The following SRPK1 variants were observed in gnomAD, a reference collection of about 807,000 sequenced individuals.
SRPK1 encodes the protein SFRS protein kinase 1.
In SRPK1, 52 loss-of-function variants were observed where a neutral mutation model predicts 89.5. The ratio of observed to expected loss-of-function variants is 0.58; its 90% CI spans 0.46 to 0.73. The LOEUF is 0.73. SRPK1 is among the 30% of genes least tolerant of loss of function. The pLI is 0.00. For synonymous variants in SRPK1, 255 were observed against 270.2 expected (o/e 0.94, Z 0.55); for missense variants, 603 against 780.6 (o/e 0.77, Z 2.71).
At chr6:35,867,549 C>A (rs1189851741) in intron 12 of SRPK1, among the ~76,000 whole-genome samples, 1 of 152,154 alleles carries the variant, frequency 6.6e-6, no homozygotes. Context: ...GGTATGGTGG[C>A]TCATGCCTGT....
intron 8 of SRPK1, among the ~76,000 whole-genome samples, chr6:35,871,193 C>T (rs1030786012): frequency 7.9e-5 from 12 of 152,060 alleles, no homozygotes; most frequent in African/African-American, 2.9e-4. Context: ...ATTCTTCCTC[C>T]CCAGGTAAAC....
At chr6:35,915,288 T>C (rs903324952) in intron 2 of SRPK1, among the ~76,000 whole-genome samples, 24 of 151,254 alleles carry the variant, frequency 1.6e-4, no homozygotes, top group South Asian at 6.3e-4. Context: ...GCGCCTGTAG[T>C]CCCGGCTACT....
At chr6:35,871,524 A>AT (rs1770035399) in intron 8 of SRPK1, among the ~76,000 whole-genome samples, 1 of 152,216 alleles carries the variant, frequency 6.6e-6, no homozygotes, top group African/African-American at 2.4e-5. Context: ...ACACTGTTGT[A>AT]TAACAGGATC....
intron 13 of SRPK1, among the ~76,000 whole-genome samples, chr6:35,855,325 C>T (rs1769644243): frequency 6.6e-6 from 1 of 151,720 alleles, no homozygotes; most frequent in Non-Finnish European, 1.5e-5. Context: ...AAACAAAAAC[C>T]CAATAATATG....
intron 6 of SRPK1, among the ~76,000 whole-genome samples, chr6:35,876,859 G>A (rs1015682254): frequency 1.3e-5 from 2 of 152,166 alleles, no homozygotes; most frequent in Non-Finnish European, 2.9e-5. Context: ...ATTGCCTTGA[G>A]GCTTTCCAGG....
intron 14 of SRPK1, among the ~76,000 whole-genome samples, chr6:35,839,075 A>G (rs1041542440): frequency 1.3e-5 from 2 of 152,216 alleles, no homozygotes; most frequent in African/African-American, 4.8e-5. Context: ...GTAAGATAAA[A>G]AACTGTCCAA....
chr6:35,907,483 A>G (rs961223468), intron 2 of SRPK1, among the ~76,000 whole-genome samples: 6 of 152,160 alleles, frequency 3.9e-5, no homozygotes, highest in African/African-American at 1.4e-4. Flanking sequence ...AGGTGGGTGG[A>G]TCACCTGAGA....
rs368400109 is a variant in SRPK1 at position 35,889,123 on chromosome 6, AAGTG to A, written c.194-204_194-201del. On this transcript the variant is annotated intron_variant, in intron 3 of 15. Transcript: ENST00000373825. ...ATTACTGAATTCATGTTATTAAAAA[AAGTG>A]AGTAAGATTAATGATTTAGATTGAG... is the stretch of plus-strand genomic sequence containing the variant. 1.6e-4 allele frequency among the ~76,000 whole-genome samples: 25 copies of A among 152,344 alleles called. 1 individual carries two copies. The East Asian group carries it at 1.7e-3, about 11-fold the overall frequency.
At chr6:35,866,913 G>C (rs1769916787) in intron 12 of SRPK1, among the ~76,000 whole-genome samples, 1 of 152,174 alleles carries the variant, frequency 6.6e-6, no homozygotes, top group South Asian at 2.1e-4. Context: ...ACAACTCAAA[G>C]AAAGGTAAAT....
At chr6:35,845,278 A>G (rs1439688207) in intron 13 of SRPK1, among the ~76,000 whole-genome samples, 2 of 151,940 alleles carry the variant, frequency 1.3e-5, no homozygotes, top group African/African-American at 4.8e-5. Flanking sequence ...TGATGTGCCA[A>G]TGTAGGTTCA....
intron 6 of SRPK1, among the ~76,000 whole-genome samples, chr6:35,878,413 T>C (rs1293206530): frequency 6.6e-6 from 1 of 152,216 alleles, no homozygotes; most frequent in Non-Finnish European, 1.5e-5. Context: ...TTTCCCCACC[T>C]AGACAACCAA....
intron 6 of SRPK1, among the ~76,000 whole-genome samples, chr6:35,881,922 T>C (rs544947249): frequency 5.1e-4 from 77 of 152,096 alleles, no homozygotes; most frequent in African/African-American, 1.5e-3. Flanking sequence ...TTAACAGGTA[T>C]AGAGCTTCAG....
chr6:35,907,068 T>C (rs976725467), intron 2 of SRPK1, among the ~76,000 whole-genome samples: 2 of 152,134 alleles, frequency 1.3e-5, no homozygotes, highest in African/African-American at 4.8e-5. Context: ...CAAGGATCAA[T>C]AGCCACTAAC....
chr6:35,852,766 A>C (rs1189500782), intron 13 of SRPK1, among the ~76,000 whole-genome samples: 2 of 152,202 alleles, frequency 1.3e-5, no homozygotes, highest in African/African-American at 4.8e-5. Flanking sequence ...TTCTAGACAG[A>C]CAAGACAGTT....
chr6:35,886,895 T>A (rs1770420611), intron 5 of SRPK1, 84 bp from the exon 6 acceptor site: 9 of 741,734 alleles, frequency 1.2e-5, no homozygotes, highest in Middle Eastern at 2.3e-4. Flanking sequence ...TTACAGCAAA[T>A]TAACTACAAG....
intron 2 of SRPK1, among the ~76,000 whole-genome samples, chr6:35,911,462 C>T (rs1770957917): frequency 6.6e-6 from 1 of 152,088 alleles, no homozygotes; most frequent in Non-Finnish European, 1.5e-5. Flanking sequence ...CGCCTGTAAT[C>T]CCAGCACTTT....
At chr6:35,913,025 G>A (rs930770032) in intron 2 of SRPK1, among the ~76,000 whole-genome samples, 5 of 152,230 alleles carry the variant, frequency 3.3e-5, no homozygotes, top group African/African-American at 1.2e-4. Flanking sequence ...CAAGGCCTTG[G>A]CCTCCCAAAG....
In SRPK1 at chr6:35,838,456, G is replaced by C. The variant is rs1394782743; in HGVS notation, c.1691-27C>G. On this transcript the variant is annotated intron_variant, in intron 14 of 15. Transcript: ENST00000373825. ...TGTATATTTCAAACATTTCAAGAGG[G>C]GGGAAAAAAAAGATCCGTAACAAGA... The C allele has an allele frequency of 5.8e-6, 9 of 1,542,854 alleles. No homozygotes were observed. The Admixed American group carries it at 7.0e-5, about 12-fold the overall frequency.
chr6:35,870,429 T>C lies in SRPK1; in HGVS notation c.843A>G (p.Leu281=), dbSNP rs374243430. 6 of 1,565,362 alleles carry C rather than the reference T, an allele frequency of 3.8e-6. No individual in the cohort carries two copies. Among genetic ancestry groups the C allele is most frequent in the Non-Finnish European group, 5.2e-6 (6 of 1,153,404 alleles). ...CAATTTCCTGCATTCGCTTCTCTAG[T>C]AATTCTGCCTGGCGCTTCTGCTTCT... ...LKKKQKRQAE[L]LEKRMQEIEE... The change falls in exon 10 of 16, where the codon TTA becomes TTG. Residue 281 remains leucine (L), a synonymous_variant. Coordinates refer to ENST00000373825, the MANE Select transcript of SRPK1 (RefSeq NM_003137.5).
Sources: gnomAD v4.1 joint callset for allele counts (sites outside exome capture counted in the v4.1 genomes callset) on GRCh38, gnomAD v4.1.1 for gene constraint, MANE v1.5 for transcripts, NCBI Gene and HGNC (gene_info 2026-07-23, HGNC 2026-07-21) for gene names.